SOS2: variants seen among roughly 807,000 people sequenced by gnomAD.
SOS2 encodes SOS Ras/Rho guanine nucleotide exchange factor 2, also known as son of sevenless homolog 2.
In SOS2, 65 loss-of-function variants were observed where a neutral mutation model predicts 148.2. The ratio of observed to expected loss-of-function variants is 0.44; its 90% CI spans 0.36 to 0.54. The LOEUF (loss-of-function observed/expected upper bound fraction) is 0.54, where lower values mean the gene tolerates loss of function less well. Ranked by LOEUF, SOS2 falls within the 20% of genes least tolerant of loss-of-function variation. The pLI is 0.00. For synonymous variants in SOS2, 539 were observed against 537.1 expected (o/e 1.00, Z -0.05); for missense variants, 1,341 against 1,590.2 (o/e 0.84, Z 2.67).
intron 1 of SOS2, among the ~76,000 whole-genome samples, chr14:50,212,497 G>C (rs1362462407): frequency 6.6e-6 from 1 of 152,118 alleles, no homozygotes; most frequent in Non-Finnish European, 1.5e-5. Flanking sequence ...TCAAAACAGT[G>C]AATACCACAA....
chr14:50,185,797 AACATGTATTGGGC>A (rs1188661740), intron 5 of SOS2, among the ~76,000 whole-genome samples: 5 of 152,132 alleles, frequency 3.3e-5, no homozygotes, highest in Non-Finnish European at 7.4e-5. Flanking sequence ...AATAACAACT[AACATGTATTGGGC>A]ACATTATATT....
intron 8 of SOS2, among the ~76,000 whole-genome samples, chr14:50,172,507 T>A (rs894417360): frequency 7.0e-6 from 1 of 143,062 alleles, no homozygotes; most frequent in Non-Finnish European, 1.5e-5. Context: ...ATTACAGGCA[T>A]GTGCCACCAC....
At position 50,164,268 on chromosome 14, in the gene SOS2, T is replaced by C. The variant is rs192706893; in HGVS notation, c.1069-2659A>G. Among the ~76,000 whole-genome samples, 33 of 151,958 alleles carry C rather than the reference T, an allele frequency of 2.2e-4. No individual in the cohort carries two copies. In the East Asian group the frequency reaches 6.0e-3, roughly 28 times the overall value. Reference sequence around the variant, plus strand: ...CCAGCCTGACCACACGGAGAAACCTTGTCTCTACAAAAAATACAAAAATTA... The same window carrying C: ...CCAGCCTGACCACACGGAGAAACCTCGTCTCTACAAAAAATACAAAAATTA... On this transcript the variant is annotated intron_variant, in intron 8 of 22. Coordinates refer to ENST00000216373, the MANE Select transcript of SOS2 (RefSeq NM_006939.4).
chr14:50,172,624 C>T (rs533537645), intron 8 of SOS2, among the ~76,000 whole-genome samples: 1 of 152,046 alleles, frequency 6.6e-6, no homozygotes, highest in Non-Finnish European at 1.5e-5. Context: ...CCCCCTTGGA[C>T]TCCTAAAGTG....
intron 8 of SOS2, among the ~76,000 whole-genome samples, chr14:50,168,204 T>A (rs922371683): frequency 6.6e-6 from 1 of 152,148 alleles, no homozygotes; most frequent in Non-Finnish European, 1.5e-5. Context: ...AGTTAACATG[T>A]CCTTAGTAAA....
At chr14:50,122,649 ACT>A (rs1353382882) in intron 21 of SOS2, among the ~76,000 whole-genome samples, 2 of 152,052 alleles carry the variant, frequency 1.3e-5, no homozygotes, top group Admixed American at 6.5e-5. Flanking sequence ...TCTGGGTCTG[ACT>A]CTACAGTCAC....
At chr14:50,130,086 T>A in intron 20 of SOS2, 84 bp from the exon 21 acceptor site, 1 of 817,314 alleles carries the variant, frequency 1.2e-6, no homozygotes, top group East Asian at 2.6e-5. Context: ...TAATACGTAA[T>A]ACACAGTGCA....
At chr14:50,176,487 G>A (rs571740917) in intron 7 of SOS2, among the ~76,000 whole-genome samples, 1 of 152,320 alleles carries the variant, frequency 6.6e-6, no homozygotes, top group Admixed American at 6.5e-5. Flanking sequence ...GCCTGATAAA[G>A]TGCATTCTAA....
At chr14:50,194,479 T>G (rs1886254228) in intron 4 of SOS2, among the ~76,000 whole-genome samples, 1 of 85,818 alleles carries the variant, frequency 1.2e-5, no homozygotes, top group African/African-American at 4.4e-5. Context: ...TTTTTTTTTT[T>G]TAAGATGGAG....
intron 21 of SOS2, among the ~76,000 whole-genome samples, chr14:50,129,564 T>C (rs1883800245): frequency 6.6e-6 from 1 of 152,172 alleles, no homozygotes; most frequent in Non-Finnish European, 1.5e-5. Context: ...TTTGTAATTT[T>C]TTAGTAGAGA....
intron 1 of SOS2, among the ~76,000 whole-genome samples, chr14:50,224,332 C>G (rs1433753970): frequency 7.0e-6 from 1 of 142,834 alleles, no homozygotes; most frequent in Non-Finnish European, 1.5e-5. Flanking sequence ...CACACACACA[C>G]ACACACACAC....
At chr14:50,203,673 C>A (rs1201526182) in intron 2 of SOS2, among the ~76,000 whole-genome samples, 20 of 151,772 alleles carry the variant, frequency 1.3e-4, no homozygotes, top group Admixed American at 1.3e-3. Flanking sequence ...TTACACTAAT[C>A]TTTTATTGAG....
intron 3 of SOS2, among the ~76,000 whole-genome samples, chr14:50,200,574 T>G (rs1288144673): frequency 1.4e-5 from 2 of 145,734 alleles, no homozygotes; most frequent in Non-Finnish European, 3.0e-5. Flanking sequence ...GGGCCAGGCC[T>G]GATGGCTCAT....
rs2139550610 is a variant in SOS2 at position 50,138,631 on chromosome 14, C to T, written c.2939G>A (p.Arg980Gln). The T allele has an allele frequency of 6.4e-6, 10 of 1,558,480 alleles. No homozygotes were observed. The highest frequency in any genetic ancestry group is 8.7e-6 in the Non-Finnish European group (10 of 1,152,134). Residue 980 changes from arginine (R) to glutamine (Q), a missense_variant, in exon 18 of 23, where the codon CGG (arginine) becomes CAG (glutamine). Transcript: ENST00000216373. ...ATTTACCCTCATATCTGGTTCTATC[C>T]GTAAACAGTAAGGCTGATTCTGATA... The part of the protein sequence containing the change: ...QQYQNQPYCL[R>Q]IEPDMRRFFE...
intron 18 of SOS2, among the ~76,000 whole-genome samples, chr14:50,137,137 TATA>T (rs886799935): frequency 6.6e-6 from 1 of 152,184 alleles, no homozygotes; most frequent in Non-Finnish European, 1.5e-5. Context: ...TCAAGTATAA[TATA>T]ATAACATTCA....
chr14:50,214,328 A>C (rs1197176446), intron 1 of SOS2, among the ~76,000 whole-genome samples: 2 of 152,072 alleles, frequency 1.3e-5, no homozygotes, highest in South Asian at 4.1e-4. Context: ...AAAAAAAATC[A>C]GGCTTTCTAA....
At chr14:50,206,577 CCATT>C (rs1886665554) in intron 1 of SOS2, among the ~76,000 whole-genome samples, 1 of 152,146 alleles carries the variant, frequency 6.6e-6, no homozygotes, top group African/African-American at 2.4e-5. Flanking sequence ...ATGCAACCAT[CCATT>C]ATTTTCCCAA....
At chr14:50,120,736 CTTT>C (rs34012845) in intron 21 of SOS2, among the ~76,000 whole-genome samples, 3 of 107,502 alleles carry the variant, frequency 2.8e-5, no homozygotes, top group Non-Finnish European at 5.2e-5. Flanking sequence ...AATCAGAGAC[CTTT>C]TTTTTTTTTT....
intron 21 of SOS2, among the ~76,000 whole-genome samples, chr14:50,127,146 T>C (rs1381623547): frequency 2.0e-5 from 3 of 148,212 alleles, no homozygotes; most frequent in Non-Finnish European, 4.5e-5. Flanking sequence ...TCCTTTTTTT[T>C]TTTTTTTTTT....
Sources: gnomAD v4.1 joint callset for allele counts (sites outside exome capture counted in the v4.1 genomes callset) on GRCh38, gnomAD v4.1.1 for gene constraint, MANE v1.5 for transcripts, NCBI Gene and HGNC (gene_info 2026-07-23, HGNC 2026-07-21) for gene names.